Variants in FNTB observed in about 807,000 individuals in gnomAD.
FNTB encodes the protein protein farnesyltransferase subunit beta.
A neutral mutation model predicts 59.4 loss-of-function variants in FNTB; 27 were observed. That is an observed-to-expected ratio of 0.45 (90% CI 0.34 to 0.63). The LOEUF (loss-of-function observed/expected upper bound fraction) is 0.63. Ranked by LOEUF, FNTB falls within the 20% of genes least tolerant of loss-of-function variation. The pLI is 0.02. For missense variants in FNTB, 449 were observed against 559.6 expected (o/e 0.80, Z 1.99); for synonymous variants, 230 against 220.7 (o/e 1.04, Z -0.37).
In FNTB at chr14:64,987,070, G is replaced by A. The variant is rs1792145121; in HGVS notation, c.117G>A (p.Ser39=). Residue 39 remains serine (S), a synonymous_variant, in exon 1 of 12, where the codon TCG becomes TCA. Coordinates refer to ENST00000246166, the MANE Select transcript of FNTB (RefSeq NM_002028.4). The part of the protein sequence containing the change: ...EHARERLQDD[S]VETVTSIEQA... ...CGCGAGAGCGGTTGCAGGACGACTCGGTGGAAACAGTCACGTCCATAGAAC... is the reference window on the plus strand; with the variant it reads ...CGCGAGAGCGGTTGCAGGACGACTCAGTGGAAACAGTCACGTCCATAGAAC... 12 of 1,614,228 alleles carry A rather than the reference G, an allele frequency of 7.4e-6. No homozygotes were observed. Among genetic ancestry groups the A allele is most frequent in the Non-Finnish European group, 1.0e-5 (12 of 1,180,052 alleles).
chr14:64,988,516 C>T (rs1888047595), intron 1 of FNTB, among the ~76,000 whole-genome samples: 1 of 150,886 alleles, frequency 6.6e-6, no homozygotes, highest in Non-Finnish European at 1.5e-5. Flanking sequence ...CTTACTGCAC[C>T]CTCCGCCTCC....
At chr14:65,037,402 C>CTTTTTTTTTTT (rs765037575) in intron 7 of FNTB, among the ~76,000 whole-genome samples, 32 of 14,522 alleles carry the variant, frequency 2.2e-3, no homozygotes, top group Non-Finnish European at 3.2e-3. Flanking sequence ...CACGCCGGGC[C>CTTTTTTTTTTT]CTTTTTTTTT....
chr14:65,010,528 C>T (rs1595012045), intron 2 of FNTB, among the ~76,000 whole-genome samples: 1 of 152,230 alleles, frequency 6.6e-6, no homozygotes. Context: ...CCAACTGGGT[C>T]AGCTCCTCAG....
intron 7 of FNTB, among the ~76,000 whole-genome samples, chr14:65,040,401 G>C (rs965311425): frequency 5.3e-5 from 8 of 151,430 alleles, no homozygotes; most frequent in Admixed American, 6.6e-5. Flanking sequence ...CAAGTAGGCT[G>C]TTTCTAAGTG....
At chr14:65,013,125 A>G (rs1595018308) in intron 3 of FNTB, among the ~76,000 whole-genome samples, 2 of 152,024 alleles carry the variant, frequency 1.3e-5, no homozygotes, top group East Asian at 1.9e-4. Context: ...TCTGCTTTTT[A>G]TTTGGGTTCC....
chr14:65,025,172 G>T (rs940216199), intron 4 of FNTB, among the ~76,000 whole-genome samples: 1 of 152,154 alleles, frequency 6.6e-6, no homozygotes, highest in Non-Finnish European at 1.5e-5. Flanking sequence ...AGCTGAGGGA[G>T]GTTGGCATGG....
rs1047777951 is a variant in FNTB at position 65,054,887 on chromosome 14, C to A, written c.1182+198C>A. Among the ~76,000 whole-genome samples, 1 of 152,230 alleles carries A rather than the reference C, an allele frequency of 6.6e-6. No individual in the cohort carries two copies. The highest frequency in any genetic ancestry group is 2.4e-5 in the African/African-American group (1 of 41,444). On this transcript the variant is annotated intron_variant, in intron 11 of 11. Coordinates refer to ENST00000246166, the MANE Select transcript of FNTB (RefSeq NM_002028.4). This position sits in a 1 kb window ranked among gnomAD's most constrained non-coding sequence, Gnocchi z 4.4. ...GCACCTCTGGGCAAGCTCAGGGTTC[C>A]AGATGGGCGGTCTGATCTGTCAAAG...
intron 1 of FNTB, among the ~76,000 whole-genome samples, chr14:64,996,695 TGG>T: frequency 6.6e-6 from 1 of 151,982 alleles, no homozygotes; most frequent in Non-Finnish European, 1.5e-5. Flanking sequence ...AAGAAATTTA[TGG>T]TTAACAAAAG....
At position 65,035,040 on chromosome 14, in the gene FNTB, C is replaced by T. The variant is rs183532724; in HGVS notation, c.692+2344C>T. Among the ~76,000 whole-genome samples the T allele has an allele frequency of 1.4e-4, 22 of 152,340 alleles. No homozygotes were observed. The East Asian group carries it at 3.7e-3, about 25-fold the overall frequency. ...TAGAAGTTGCTTTGTTTCCCCAGCACGTATGTGGAAACTTGAACTGAGTTT... is the reference window on the plus strand; with the variant it reads ...TAGAAGTTGCTTTGTTTCCCCAGCATGTATGTGGAAACTTGAACTGAGTTT... On this transcript the variant is annotated intron_variant, in intron 7 of 11. Coordinates refer to ENST00000246166, the MANE Select transcript of FNTB (RefSeq NM_002028.4).
chr14:65,048,837 C>T (rs901856981), intron 9 of FNTB, among the ~76,000 whole-genome samples: 1 of 151,836 alleles, frequency 6.6e-6, no homozygotes, highest in African/African-American at 2.4e-5. Context: ...AGCGACAGAG[C>T]AAGACTTTGT....
rs1464615865 is a variant in FNTB, at chr14:65,014,633, G to A, written c.283-992G>A. The stretch of plus-strand genomic sequence containing the variant: ...GTTCAAGACCAGCCTGGGCAACATA[G>A]TGGGATGCTGTCTCTATAAAAACTT... On this transcript the variant is annotated intron_variant, in intron 3 of 11. Coordinates refer to ENST00000246166, the MANE Select transcript of FNTB (RefSeq NM_002028.4). The surrounding 1 kb of genome is among the most constrained non-coding windows in gnomAD (Gnocchi z 5.1). Among the ~76,000 whole-genome samples the A allele has an allele frequency of 6.6e-6, 1 of 152,148 alleles. No homozygotes were observed. Among genetic ancestry groups the A allele is most frequent in the African/African-American group, 2.4e-5 (1 of 41,420 alleles).
Position 65,011,361 on chromosome 14 carries a change from G to A in FNTB, c.210-956G>A, listed in dbSNP as rs1277863581. 6.6e-6 allele frequency among the ~76,000 whole-genome samples: 1 copy of A among 151,328 alleles called. No homozygotes were observed. The highest frequency in any genetic ancestry group is 1.9e-4 in the East Asian group (1 of 5,164). On this transcript the variant is annotated intron_variant, in intron 2 of 11. Transcript: ENST00000246166. This position sits in a 1 kb window ranked among gnomAD's most constrained non-coding sequence, Gnocchi z 4.0. The stretch of plus-strand genomic sequence containing the variant: ...GGAGAATAGCTTGAACCCAAGAGGT[G>A]GAGGTTGCAGTAAGCTGAAATCACA...
Position 65,028,098 on chromosome 14 carries a change from T to C in FNTB, c.605+317T>C, listed in dbSNP as rs192841553. Among the ~76,000 whole-genome samples, 1 of 152,362 alleles carries C rather than the reference T, an allele frequency of 6.6e-6. No homozygotes were observed. Among genetic ancestry groups the C allele is most frequent in the Admixed American group, 6.5e-5 (1 of 15,302 alleles). ...ATAACTGTATGGTGTAATGTATTCC[T>C]TCACCTCTCTGAGATAGGAAGGGAG... is the stretch of plus-strand genomic sequence containing the variant. On this transcript the variant is annotated intron_variant, in intron 6 of 11. Transcript: ENST00000246166. The surrounding 1 kb of genome is among the most constrained non-coding windows in gnomAD (Gnocchi z 4.4).
In FNTB at chr14:65,047,288, G is replaced by A. The variant is rs1259088011; in HGVS notation, c.955+2845G>A. ...TACAGATGAGGAAACAAACTACAGTGAGGTTAAGTGATTGCTTTATAATAC... is the reference window on the plus strand; with the variant it reads ...TACAGATGAGGAAACAAACTACAGTAAGGTTAAGTGATTGCTTTATAATAC... On this transcript the variant is annotated intron_variant, in intron 9 of 11. Coordinates refer to ENST00000246166, the MANE Select transcript of FNTB (RefSeq NM_002028.4). The surrounding 1 kb of genome is among the most constrained non-coding windows in gnomAD (Gnocchi z 5.2). Among the ~76,000 whole-genome samples, 1 of 152,216 alleles carries A rather than the reference G, an allele frequency of 6.6e-6. No homozygotes were observed. Among genetic ancestry groups the A allele is most frequent in the Non-Finnish European group, 1.5e-5 (1 of 68,046 alleles).
Position 65,014,680 on chromosome 14 carries a change from G to A in FNTB, c.283-945G>A, listed in dbSNP as rs1018677156. Among the ~76,000 whole-genome samples, 1 of 152,112 alleles carries A rather than the reference G, an allele frequency of 6.6e-6. No homozygotes were observed. The highest frequency in any genetic ancestry group is 2.4e-5 in the African/African-American group (1 of 41,422). ...ACTTAAAAAATTAGCCAGGCATAGT[G>A]GTGTGTGCCCGTAGTCCCAGCTACT... On this transcript the variant is annotated intron_variant, in intron 3 of 11. Transcript: ENST00000246166. The surrounding 1 kb of genome is among the most constrained non-coding windows in gnomAD (Gnocchi z 5.1).
At chr14:65,037,172 C>T (rs532573056) in intron 7 of FNTB, among the ~76,000 whole-genome samples, 3 of 150,726 alleles carry the variant, frequency 2.0e-5, no homozygotes, top group Non-Finnish European at 3.0e-5. Flanking sequence ...GGCGTGATCT[C>T]GGCTCACTGC....
At chr14:65,057,613 C>T (rs910398677) in intron 11 of FNTB, among the ~76,000 whole-genome samples, 5 of 152,062 alleles carry the variant, frequency 3.3e-5, no homozygotes, top group African/African-American at 7.2e-5. Context: ...AATTGTGATG[C>T]GTGCTATGAA....
At position 65,038,944 on chromosome 14, in the gene FNTB, T is replaced by C. The variant is rs565721109; in HGVS notation, c.693-1846T>C. On this transcript the variant is annotated intron_variant, in intron 7 of 11. Transcript: ENST00000246166. The stretch of plus-strand genomic sequence containing the variant: ...TGGGGATATTTTGTCCTCTCAATAG[T>C]CTTACTTCATATAATATTTTATCTA... 5.9e-5 allele frequency among the ~76,000 whole-genome samples: 9 copies of C among 152,336 alleles called. No individual in the cohort carries two copies. In the South Asian group the frequency reaches 1.0e-3, roughly 18 times the overall value.
intron 9 of FNTB, among the ~76,000 whole-genome samples, chr14:65,049,543 G>A (rs1166685523): frequency 1.3e-5 from 2 of 152,180 alleles, no homozygotes; most frequent in East Asian, 3.8e-4. Context: ...AGGATATCTG[G>A]AAGCTCCTTG....
Sources: gnomAD v4.1 joint callset for allele counts (sites outside exome capture counted in the v4.1 genomes callset) on GRCh38, gnomAD v4.1.1 for gene constraint, Gnocchi (gnomAD v3.1) non-coding constraint, MANE v1.5 for transcripts, NCBI Gene and HGNC (gene_info 2026-07-23, HGNC 2026-07-21) for gene names.